Variants in RBPJ observed in about 807,000 individuals in gnomAD.
RBPJ encodes recombining binding protein suppressor of hairless.
In RBPJ, 9 loss-of-function variants were observed where a neutral mutation model predicts 67.8. The ratio of observed to expected loss-of-function variants is 0.13; its 90% CI spans 0.08 to 0.23. The LOEUF (loss-of-function observed/expected upper bound fraction) is 0.23. Among genes scored for constraint, RBPJ ranks in the 10% least tolerant of loss-of-function variants. The pLI is 1.00. For missense variants in RBPJ, 305 were observed against 595.6 expected, an observed-to-expected ratio of 0.51 and a Z score of 5.08; for synonymous variants, 198 against 203.3, an observed-to-expected ratio of 0.97 and a Z score of 0.22.
At chr4:26,312,962 G>A (rs937301906) in intron 1 of RBPJ, among the ~76,000 whole-genome samples, 3 of 152,026 alleles carry the variant, frequency 2.0e-5, no homozygotes, top group African/African-American at 4.8e-5. Context: ...TCTCTGTCTC[G>A]CCCAGGCTGG....
At chr4:26,409,158 C>T (rs1370691624) in intron 3 of RBPJ, among the ~76,000 whole-genome samples, 2 of 152,214 alleles carry the variant, frequency 1.3e-5, no homozygotes, top group Non-Finnish European at 1.5e-5. Flanking sequence ...TTAAAAGTCA[C>T]TGTGTCATTT....
At chr4:26,428,956 A>G (rs1577678598) in intron 8 of RBPJ, 96 bp downstream of exon 8, 3 of 895,584 alleles carry the variant, frequency 3.3e-6, no homozygotes, top group East Asian at 2.5e-5. Flanking sequence ...TTAATTATAT[A>G]CAAATACATG....
At chr4:26,193,488 AT>A (rs148326222) in intron 1 of RBPJ, among the ~76,000 whole-genome samples, 2,619 of 150,296 alleles carry the variant, frequency 0.017, 73 homozygotes, top group African/African-American at 0.06. Context: ...TTCGGTGTCA[AT>A]TTTTTTTTTA....
At chr4:26,111,698 T>A in the RBPJ span, among the ~76,000 whole-genome samples, 7 of 152,298 alleles carry the variant, frequency 4.6e-5, no homozygotes, top group Admixed American at 3.3e-4. Flanking sequence ...CATTGAAGTG[T>A]GTGTGCAGGT....
chr4:26,221,822 G>A (rs1718917894), intron 1 of RBPJ, among the ~76,000 whole-genome samples: 2 of 152,122 alleles, frequency 1.3e-5, no homozygotes, highest in Non-Finnish European at 2.9e-5. Flanking sequence ...AATGTTCCTC[G>A]CATAAAGATA....
At chr4:26,319,202 A>G (rs1722781994), upstream of RBPJ, among the ~76,000 whole-genome samples, 1 of 151,876 alleles carries the variant, frequency 6.6e-6, no homozygotes, top group African/African-American at 2.4e-5. Context: ...AGGCTTGTGG[A>G]GGGCGACAGG....
rs1418313744 is a variant in RBPJ, at chr4:26,270,430, AAAGAAAG to A, written c.-166-92006_-166-92000del. Among the ~76,000 whole-genome samples, 489 of 62,712 alleles carry A rather than the reference AAAGAAAG, an allele frequency of 7.8e-3. 103 individuals are homozygous for A. Among genetic ancestry groups the A allele is most frequent in the Admixed American group, 0.017 (77 of 4,650 alleles). The allele number at this position is 62,712 out of a possible 152,430, so 41.1% of individuals were successfully genotyped here. The stretch of plus-strand genomic sequence containing the variant: ...GAAAGAAAGAAAGAAAGAAAGAAAG[AAAGAAAG>A]AAGAAAGAAAGAAAGAAAGAAAAGA... On this transcript the variant is annotated intron_variant, in intron 1 of 4. Coordinates refer to the RBPJ transcript ENST00000512351.
chr4:26,115,416 G>A, the RBPJ span, among the ~76,000 whole-genome samples: 21 of 151,304 alleles, frequency 1.4e-4, no homozygotes, highest in African/African-American at 3.6e-4. Context: ...ACGGAGTCTC[G>A]CTCTGCAGCC....
At chr4:26,377,196 A>G (rs1221769895) in intron 1 of RBPJ, among the ~76,000 whole-genome samples, 1 of 152,192 alleles carries the variant, frequency 6.6e-6, no homozygotes, top group Non-Finnish European at 1.5e-5. Flanking sequence ...ACATATATGA[A>G]CCTTTTTGAT....
chr4:26,299,991 T>A (rs1450620507), intron 1 of RBPJ, among the ~76,000 whole-genome samples: 1 of 152,148 alleles, frequency 6.6e-6, no homozygotes, highest in Non-Finnish European at 1.5e-5. Flanking sequence ...GGCCCAGTTG[T>A]TGTTTTCAAC....
At chr4:26,325,945 C>A (rs76707830) in intron 1 of RBPJ, among the ~76,000 whole-genome samples, 498 of 152,252 alleles carry the variant, frequency 3.3e-3, no homozygotes, top group Non-Finnish European at 5.1e-3. Context: ...ATATAATTCT[C>A]TTGGAAGCAT....
At chr4:26,406,395 A>T (rs951572388) in intron 3 of RBPJ, 125 bp downstream of exon 3, 3 of 631,762 alleles carry the variant, frequency 4.7e-6, no homozygotes, top group African/African-American at 1.8e-5. Context: ...AAAATAAAAA[A>T]TAGGGGATTT....
chr4:26,341,991 C>G, intron 1 of RBPJ, among the ~76,000 whole-genome samples: 1 of 152,174 alleles, frequency 6.6e-6, no homozygotes, highest in Admixed American at 6.5e-5. Flanking sequence ...CTGCCCAAAG[C>G]AGAGTTCTCA....
At chr4:26,187,336 G>A (rs1717306925) in intron 1 of RBPJ, among the ~76,000 whole-genome samples, 2 of 152,052 alleles carry the variant, frequency 1.3e-5, no homozygotes, top group African/African-American at 4.8e-5. Context: ...TTCCCCCTCA[G>A]GATTTTATTC....
At chr4:26,197,455 G>C (rs1397687639) in intron 1 of RBPJ, among the ~76,000 whole-genome samples, 1 of 152,138 alleles carries the variant, frequency 6.6e-6, no homozygotes, top group Non-Finnish European at 1.5e-5. Context: ...GAGAAAGTGG[G>C]CCAAGGAGCC....
At chr4:26,405,031 A>G (rs916726954) in intron 2 of RBPJ, among the ~76,000 whole-genome samples, 5 of 152,150 alleles carry the variant, frequency 3.3e-5, no homozygotes, top group African/African-American at 7.2e-5. Flanking sequence ...TTCTCAGTCT[A>G]TTTATATCCT....
chr4:26,353,433 G>A (rs543447224), intron 1 of RBPJ, among the ~76,000 whole-genome samples: 1 of 152,114 alleles, frequency 6.6e-6, no homozygotes, highest in African/African-American at 2.4e-5. Context: ...CTTCCTGCAA[G>A]TTACTTCACA....
At chr4:26,369,787 A>C (rs1022105061) in intron 1 of RBPJ, among the ~76,000 whole-genome samples, 9 of 151,578 alleles carry the variant, frequency 5.9e-5, no homozygotes, top group African/African-American at 2.2e-4. Context: ...TCCCTCAAAC[A>C]ATCTTTTCTT....
chr4:26,134,582 T>A, the RBPJ span, among the ~76,000 whole-genome samples: 3 of 152,224 alleles, frequency 2.0e-5, no homozygotes, highest in Non-Finnish European at 4.4e-5. Flanking sequence ...ACATGGGTGC[T>A]CCCTGCAAAT....
Sources: gnomAD v4.1 joint callset for allele counts (sites outside exome capture counted in the v4.1 genomes callset) on GRCh38, gnomAD v4.1.1 for gene constraint, MANE v1.5 for transcripts, NCBI Gene and HGNC (gene_info 2026-07-23, HGNC 2026-07-21) for gene names.